Variants in TMEM120B observed in about 807,000 individuals in gnomAD.
TMEM120B encodes transmembrane protein 120B.
Under a neutral mutation model 55.5 loss-of-function variants are expected in TMEM120B, and 31 were observed. The observed-to-expected ratio is 0.56, with a 90% CI of 0.42 to 0.75. TMEM120B has a LOEUF of 0.75. Ranked by LOEUF, TMEM120B falls within the 30% of genes least tolerant of loss-of-function variation. The pLI is 0.00. For missense variants in TMEM120B, 399 were observed against 425.5 expected, an observed-to-expected ratio of 0.94 and a Z score of 0.55; for synonymous variants, 203 against 176.3, an observed-to-expected ratio of 1.15 and a Z score of -1.20.
intron 1 of TMEM120B, among the ~76,000 whole-genome samples, chr12:121,742,007 CT>C (rs1395595652): frequency 1.6e-3 from 224 of 140,712 alleles, no homozygotes; most frequent in Middle Eastern, 7.6e-3. Flanking sequence ...ACTTAACTTC[CT>C]TTTTTTTTTT....
At chr12:121,741,955 C>G (rs1428524869) in intron 1 of TMEM120B, among the ~76,000 whole-genome samples, 2 of 151,688 alleles carry the variant, frequency 1.3e-5, no homozygotes, top group African/African-American at 2.4e-5. Flanking sequence ...TCCTAATTGT[C>G]ATCTAGTTAA....
intron 2 of TMEM120B, among the ~76,000 whole-genome samples, chr12:121,746,181 G>A (rs1175511224): frequency 1.4e-5 from 2 of 142,802 alleles, no homozygotes; most frequent in African/African-American, 2.7e-5. Flanking sequence ...TTCTTAAACC[G>A]CCCCCCCACT....
At chr12:121,771,221 G>A (rs1222527516) in intron 7 of TMEM120B, among the ~76,000 whole-genome samples, 4 of 152,188 alleles carry the variant, frequency 2.6e-5, no homozygotes, top group East Asian at 3.9e-4. Context: ...TGGAGGGAGC[G>A]AGTGAGGCTG....
intron 6 of TMEM120B, among the ~76,000 whole-genome samples, chr12:121,766,292 A>G (rs546232715): frequency 6.6e-6 from 1 of 151,060 alleles, no homozygotes; most frequent in East Asian, 2.0e-4. Context: ...TCAGCTCAGC[A>G]TAATAAGCAA....
intron 1 of TMEM120B, among the ~76,000 whole-genome samples, chr12:121,731,055 G>A (rs1387481506): frequency 1.3e-5 from 2 of 152,102 alleles, no homozygotes; most frequent in African/African-American, 2.4e-5. Context: ...AATAGTGATT[G>A]CCAGGGGCTG....
intron 5 of TMEM120B, among the ~76,000 whole-genome samples, chr12:121,755,226 C>A (rs191439676): frequency 2.0e-4 from 31 of 152,306 alleles, no homozygotes; most frequent in African/African-American, 7.2e-4. Context: ...TACCACTAAG[C>A]CTGCAGCTGG....
chr12:121,774,535 C>A, intron 9 of TMEM120B, 123 bp from the exon 10 acceptor site: 3 of 881,354 alleles, frequency 3.4e-6, no homozygotes, highest in Non-Finnish European at 5.3e-6. Context: ...GCTGACCCCC[C>A]GCATGTGTGA....
intron 10 of TMEM120B, 50 bp downstream of exon 10, chr12:121,774,772 G>A (rs1328729102): frequency 6.3e-7 from 1 of 1,592,946 alleles, no homozygotes; most frequent in East Asian, 2.2e-5. Flanking sequence ...CTGACCCCCA[G>A]GAACAGAAGG....
intron 1 of TMEM120B, among the ~76,000 whole-genome samples, chr12:121,726,617 C>T (rs1182054448): frequency 6.7e-6 from 1 of 150,118 alleles, no homozygotes; most frequent in Non-Finnish European, 1.5e-5. Flanking sequence ...AATAATGCTT[C>T]AGGCCAGGTG....
rs368101093 is a variant in TMEM120B at position 121,780,926 on chromosome 12, C to T, written c.*5204C>T. 1.1e-5 allele frequency: 17 copies of T among 1,614,048 alleles called. No homozygotes were observed. Among genetic ancestry groups the T allele is most frequent in the Non-Finnish European group, 1.4e-5 (16 of 1,179,990 alleles). Reference sequence around the variant, plus strand: ...CGGCCCGGAGCTTCCGCAGCTGCTCCTTGTCCTTCCTCAGGTCTGTCTTGC... The same window carrying T: ...CGGCCCGGAGCTTCCGCAGCTGCTCTTTGTCCTTCCTCAGGTCTGTCTTGC... On this transcript the variant is annotated 3_prime_UTR_variant, in exon 12 of 12. Transcript: ENST00000449592.
Position 121,777,353 on chromosome 12 carries a change from C to T in TMEM120B, c.*1631C>T, listed in dbSNP as rs73413720. Reference sequence around the variant, plus strand: ...TGGTCTCCAACTCATGGGCTCAACTCATCCTCCTATCTTGGCCTCCCAAAG... The same window carrying T: ...TGGTCTCCAACTCATGGGCTCAACTTATCCTCCTATCTTGGCCTCCCAAAG... On this transcript the variant is annotated 3_prime_UTR_variant, in exon 12 of 12. Transcript: ENST00000449592. 0.18 allele frequency: 27,664 copies of T among 151,722 alleles called. 3,824 individuals carry two copies. The highest frequency in any genetic ancestry group is 0.38 in the African/African-American group (15,743 of 41,254). 9.4% of individuals were successfully genotyped at this position (151,722 alleles called of 1,614,324 possible).
rs963515425 is a variant in TMEM120B, at chr12:121,729,952, A to G, written c.70-13677A>G. Among the ~76,000 whole-genome samples, 3 of 151,970 alleles carry G rather than the reference A, an allele frequency of 2.0e-5. No individual in the cohort carries two copies. The South Asian group carries it at 6.2e-4, about 32-fold the overall frequency. Reference sequence around the variant, plus strand: ...ATGTGGCTCGTCCATATAGTGGACTACTAGCCTTAAAAAGGAAGGAAATTC... The same window carrying G: ...ATGTGGCTCGTCCATATAGTGGACTGCTAGCCTTAAAAAGGAAGGAAATTC... On this transcript the variant is annotated intron_variant, in intron 1 of 11. Transcript: ENST00000449592.
In TMEM120B at chr12:121,770,792, A is replaced by G. The variant is rs1470418181; in HGVS notation, c.552-115A>G. ...AGGGTTCCAGTCTGTTTCTTACTCC[A>G]AGAAGCCGTCTCTGAGTGCAGAGTA... On this transcript the variant is annotated intron_variant, in intron 6 of 11. Transcript: ENST00000449592. 3.2e-6 allele frequency: 3 copies of G among 938,032 alleles called. No individual in the cohort carries two copies. In the South Asian group the frequency reaches 4.1e-5, roughly 13 times the overall value. The allele number at this position is 938,032 out of a possible 1,614,324, so 58.1% of individuals were successfully genotyped here.
At chr12:121,771,465 GT>G in intron 7 of TMEM120B, 22 bp from the exon 8 acceptor site, 1 of 1,611,110 alleles carries the variant, frequency 6.2e-7, no homozygotes, top group Non-Finnish European at 8.5e-7. Flanking sequence ...CCCCACCTTT[GT>G]TTTTTCCTAC....
At chr12:121,714,686 C>G (rs923434186) in intron 1 of TMEM120B, among the ~76,000 whole-genome samples, 2 of 150,380 alleles carry the variant, frequency 1.3e-5, no homozygotes, top group African/African-American at 4.9e-5. Context: ...CTCAGTCTCC[C>G]AAGTAGCAGA....
chr12:121,750,955 A>C (rs1200336840), intron 4 of TMEM120B, among the ~76,000 whole-genome samples: 1 of 13,918 alleles, frequency 7.2e-5, no homozygotes, highest in Non-Finnish European at 1.3e-4. Context: ...CTAACACCCC[A>C]CACCCACACC....
chr12:121,774,528 G>T, intron 9 of TMEM120B, 130 bp from the exon 10 acceptor site: 1 of 815,068 alleles, frequency 1.2e-6, no homozygotes, highest in South Asian at 1.7e-5. Flanking sequence ...GGTGAGGGCT[G>T]ACCCCCCGCA....
chr12:121,776,161 G>A lies in TMEM120B; in HGVS notation c.*439G>A, dbSNP rs376458033. On this transcript the variant is annotated 3_prime_UTR_variant, in exon 12 of 12. Transcript: ENST00000449592. Reference sequence around the variant, plus strand: ...GTGTGAACCCTCAGTGTCCTGTGGCGCCCCCACCCCGGGGCCACTCTGCTT... The same window carrying A: ...GTGTGAACCCTCAGTGTCCTGTGGCACCCCCACCCCGGGGCCACTCTGCTT... 12 of 362,326 alleles carry A rather than the reference G, an allele frequency of 3.3e-5. No homozygotes were observed. The highest frequency in any genetic ancestry group is 6.9e-4 in the Middle Eastern group (1 of 1,446). The allele number at this position is 362,326 out of a possible 1,614,324, so 22.4% of individuals were successfully genotyped here. A position where few individuals can be genotyped will look rare whatever the true frequency, so the allele number is the denominator to read the frequency against.
At chr12:121,754,832 A>G (rs1234789569) in intron 5 of TMEM120B, among the ~76,000 whole-genome samples, 1 of 152,066 alleles carries the variant, frequency 6.6e-6, no homozygotes, top group Non-Finnish European at 1.5e-5. Context: ...TAGGCTAAAA[A>G]CGGGGCAGAG....
Sources: gnomAD v4.1 joint callset for allele counts (sites outside exome capture counted in the v4.1 genomes callset) on GRCh38, gnomAD v4.1.1 for gene constraint, MANE v1.5 for transcripts, NCBI Gene and HGNC (gene_info 2026-07-23, HGNC 2026-07-21) for gene names.